Variants in ARHGEF10 observed in about 807,000 individuals in gnomAD.
ARHGEF10 encodes the protein Rho guanine nucleotide exchange factor 10, also known as Rho guanine nucleotide exchange factor (GEF) 10.
In ARHGEF10, 140 loss-of-function variants were observed where a neutral mutation model predicts 147.4. The observed-to-expected ratio is 0.95, with a 90% confidence interval of 0.83 to 1.09. The LOEUF (loss-of-function observed/expected upper bound fraction) is 1.09. Among genes scored for constraint, ARHGEF10 ranks in the 50% least tolerant of loss-of-function variants. The pLI is 0.00. For missense variants in ARHGEF10, 2,222 were observed against 1,752.7 expected (o/e 1.27, Z -4.78); for synonymous variants, 902 against 695.8 (o/e 1.30, Z -4.67).
At position 1,923,118 on chromosome 8, in the gene ARHGEF10, A is replaced by G. The variant is rs1812424353; in HGVS notation, c.2259+39A>G. 6 of 1,421,706 alleles carry G rather than the reference A, an allele frequency of 4.2e-6. No individual in the cohort carries two copies. The East Asian group carries it at 6.8e-5, about 16-fold the overall frequency. 88.1% of individuals were successfully genotyped at this position (1,421,706 alleles called of 1,614,324 possible). A position where few individuals can be genotyped will look rare whatever the true frequency, so the allele number is the denominator to read the frequency against. On this transcript the variant is annotated intron_variant, in intron 19 of 28. Coordinates refer to ENST00000349830, the MANE Select transcript of ARHGEF10 (RefSeq NM_014629.4). ...CAATTGGATTTAAGATTCTGCCTTTACTTATAAGTCATTGTAAGTATGTGA... is the reference window on the plus strand; with the variant it reads ...CAATTGGATTTAAGATTCTGCCTTTGCTTATAAGTCATTGTAAGTATGTGA...
At chr8:1,859,774 C>G in intron 3 of ARHGEF10, 123 bp from the exon 4 acceptor site, 1 of 1,235,386 alleles carries the variant, frequency 8.1e-7, no homozygotes, top group Non-Finnish European at 1.2e-6. Flanking sequence ...CTGGGAACGT[C>G]TAGGGGTCCT....
At chr8:1,876,805 T>G in intron 8 of ARHGEF10, 71 bp downstream of exon 8, 1 of 1,529,464 alleles carries the variant, frequency 6.5e-7, no homozygotes, top group Non-Finnish European at 9.1e-7. Flanking sequence ...TGAATATGAT[T>G]GTGATCCACC....
chr8:1,887,284 G>A (rs1808746755), intron 11 of ARHGEF10, among the ~76,000 whole-genome samples: 1 of 152,264 alleles, frequency 6.6e-6, no homozygotes, highest in Admixed American at 6.5e-5. Flanking sequence ...AATCATAACA[G>A]GAGTGTGAGT....
At chr8:1,945,733 A>C in intron 27 of ARHGEF10, 78 bp downstream of exon 27, 1 of 1,572,552 alleles carries the variant, frequency 6.4e-7, no homozygotes, top group South Asian at 1.1e-5. Context: ...CTGTCAGCCC[A>C]CCTTAGCGCT....
rs200428087 is a variant in ARHGEF10, at chr8:1,860,022, A to C, written c.319A>C (p.Thr107Pro). ...ITPFQEDQPP[T>P]PVPSAEEENV... Reference sequence around the variant, plus strand: ...GCCATTCCAGGAGGACCAGCCGCCCACCCCCGTGCCCAGCGCTGAGGAGGA... The same window carrying C: ...GCCATTCCAGGAGGACCAGCCGCCCCCCCCCGTGCCCAGCGCTGAGGAGGA... The change falls in exon 4 of 29, where the codon ACC becomes CCC. Residue 107 changes from threonine to proline, a missense_variant. Coordinates refer to ENST00000349830, the MANE Select transcript of ARHGEF10 (RefSeq NM_014629.4). 3 of 1,612,558 alleles carry C rather than the reference A, an allele frequency of 1.9e-6. No individual in the cohort carries two copies. Among genetic ancestry groups the C allele is most frequent in the Admixed American group, 3.3e-5 (2 of 59,840 alleles).
intron 14 of ARHGEF10, 114 bp from the exon 15 acceptor site, chr8:1,898,319 G>C: frequency 1.1e-6 from 1 of 886,182 alleles, no homozygotes; most frequent in Non-Finnish European, 1.8e-6. Flanking sequence ...CTGAAGACAA[G>C]GTGCAGGCTT....
chr8:1,850,754 T>C (rs146995788), intron 2 of ARHGEF10, among the ~76,000 whole-genome samples: 299 of 152,324 alleles, frequency 2.0e-3, no homozygotes, highest in African/African-American at 6.4e-3. Flanking sequence ...ATATAGGTGT[T>C]GATAGCAGCT....
At chr8:1,880,636 T>C (rs1808109564) in intron 9 of ARHGEF10, among the ~76,000 whole-genome samples, 1 of 152,148 alleles carries the variant, frequency 6.6e-6, no homozygotes, top group Admixed American at 6.5e-5. Flanking sequence ...CAAAAGCCAT[T>C]TGGGCTCTCC....
chr8:1,882,524 A>T, intron 9 of ARHGEF10, 111 bp from the exon 10 acceptor site: 1 of 920,044 alleles, frequency 1.1e-6, no homozygotes, highest in Non-Finnish European at 1.8e-6. Flanking sequence ...CACGTGACAC[A>T]TGCGCTCACA....
intron 7 of ARHGEF10, among the ~76,000 whole-genome samples, chr8:1,872,609 A>C (rs1807221432): frequency 6.6e-6 from 1 of 152,308 alleles, no homozygotes; most frequent in Non-Finnish European, 1.5e-5. Flanking sequence ...AAATTGATGG[A>C]CATAAACCCA....
intron 1 of ARHGEF10, among the ~76,000 whole-genome samples, chr8:1,830,168 G>C (rs1479973612): frequency 1.3e-5 from 2 of 152,226 alleles, no homozygotes; most frequent in African/African-American, 4.8e-5. Context: ...GACGAAGGCA[G>C]GGGAGGGAGG....
Position 1,945,645 on chromosome 8 carries a change from C to T in ARHGEF10, c.3387C>T (p.Asn1129=). The T allele has an allele frequency of 1.9e-6, 3 of 1,614,248 alleles. No homozygotes were observed. The highest frequency in any genetic ancestry group is 2.2e-5 in the South Asian group (2 of 91,090). The part of the protein sequence containing the change: ...QDINIATPVH[N]MLPGHQRLSV... ...TCAACATCGCCACCCCTGTTCACAA[C>T]ATGCTGCCAGGTAAGGGGACGGGAC... The change falls in exon 27 of 29, where the codon AAC becomes AAT. Residue 1129 remains asparagine, a synonymous_variant. Coordinates refer to ENST00000349830, the MANE Select transcript of ARHGEF10 (RefSeq NM_014629.4).
chr8:1,921,989 C>T (rs1029499392), intron 18 of ARHGEF10, among the ~76,000 whole-genome samples: 3 of 152,060 alleles, frequency 2.0e-5, no homozygotes, highest in Admixed American at 6.5e-5. Flanking sequence ...AAAGAAGGAG[C>T]GTATTACTGC....
At position 1,958,355 on chromosome 8, in the gene ARHGEF10, C is replaced by CATG. The variant is rs1229280463; in HGVS notation, c.*1093_*1094insTGA. On this transcript the variant is annotated 3_prime_UTR_variant, in exon 29 of 29. Transcript: ENST00000349830. The stretch of plus-strand genomic sequence containing the variant: ...CGCGTGAGAACGTGCATAATGAGTG[C>CATG]ACACCATCATGTCAAGGTGCATACT... 6.6e-6 allele frequency: 1 copy of CATG among 152,200 alleles called. No individual in the cohort carries two copies. Among genetic ancestry groups the CATG allele is most frequent in the East Asian group, 1.9e-4 (1 of 5,198 alleles). 9.4% of individuals were successfully genotyped at this position (152,200 alleles called of 1,614,324 possible).
intron 1 of ARHGEF10, among the ~76,000 whole-genome samples, chr8:1,835,416 C>A (rs1480200546): frequency 6.6e-6 from 1 of 152,104 alleles, no homozygotes; most frequent in Non-Finnish European, 1.5e-5. Flanking sequence ...AAGTGCTGGG[C>A]TGGGGCAGAT....
At chr8:1,878,505 G>A (rs1426691925) in intron 8 of ARHGEF10, among the ~76,000 whole-genome samples, 2 of 152,208 alleles carry the variant, frequency 1.3e-5, no homozygotes, top group Non-Finnish European at 2.9e-5. Context: ...GTTTTTAACA[G>A]CTGATAACTG....
At chr8:1,841,045 G>A (rs1463592858) in intron 1 of ARHGEF10, among the ~76,000 whole-genome samples, 2 of 152,194 alleles carry the variant, frequency 1.3e-5, no homozygotes, top group Non-Finnish European at 2.9e-5. Context: ...TGGGTGGAAG[G>A]GCAAGGACAT....
At chr8:1,831,772 G>C (rs1225425220) in intron 1 of ARHGEF10, among the ~76,000 whole-genome samples, 1 of 152,244 alleles carries the variant, frequency 6.6e-6, no homozygotes, top group Non-Finnish European at 1.5e-5. Context: ...ACCTGCACAG[G>C]GTGCTCCTGA....
In ARHGEF10 at chr8:1,957,571, A is replaced by G. The variant is rs181285770; in HGVS notation, c.*308A>G. ...CTGCTGTAGTCCATATGTGAATACT[A>G]AATGTTAAACTTCATCAGCGTCAGA... On this transcript the variant is annotated 3_prime_UTR_variant, in exon 29 of 29. Transcript: ENST00000349830. 6.6e-6 allele frequency: 3 copies of G among 451,154 alleles called. No homozygotes were observed. The highest frequency in any genetic ancestry group is 1.2e-5 in the Non-Finnish European group (3 of 251,520). The allele number at this position is 451,154 out of a possible 1,614,324, so 27.9% of individuals were successfully genotyped here.
Sources: gnomAD v4.1 joint callset for allele counts (sites outside exome capture counted in the v4.1 genomes callset) on GRCh38, gnomAD v4.1.1 for gene constraint, MANE v1.5 for transcripts, NCBI Gene and HGNC (gene_info 2026-07-23, HGNC 2026-07-21) for gene names.